RELN: variants seen among roughly 807,000 people sequenced by gnomAD.
RELN encodes reelin.
In RELN, 108 loss-of-function variants were observed where a neutral mutation model predicts 427.6. The ratio of observed to expected loss-of-function variants is 0.25; its 90% CI spans 0.22 to 0.30. The LOEUF is 0.30. Among genes scored for constraint, RELN ranks in the 10% least tolerant of loss-of-function variants. The pLI, the probability that RELN is intolerant of heterozygous loss-of-function variation, is 1.00. For missense variants in RELN, 3,715 were observed against 4,302.8 expected, an observed-to-expected ratio of 0.86 and a Z score of 3.82; for synonymous variants, 1,524 against 1,513.4, an observed-to-expected ratio of 1.01 and a Z score of -0.16.
chr7:103,858,001 G>A (rs573141535), intron 2 of RELN, among the ~76,000 whole-genome samples: 2 of 147,974 alleles, frequency 1.4e-5, no homozygotes, highest in African/African-American at 4.9e-5. Context: ...CCTCTTCAAT[G>A]GTTTCTTTTT....
At position 103,479,537 on chromosome 7, in the gene RELN, G is replaced by T. The variant is rs115026530; in HGVS notation, c.10281-1143C>A. ...ATCGTGAAATGCTTTTCATGTGCAGGTTTTATTGGAAAATATGAGAGTGGG... is the reference window on the plus strand; with the variant it reads ...ATCGTGAAATGCTTTTCATGTGCAGTTTTTATTGGAAAATATGAGAGTGGG... On this transcript the variant is annotated intron_variant, in intron 63 of 64. Coordinates refer to ENST00000428762, the MANE Select transcript of RELN (RefSeq NM_005045.4). 9.9e-3 allele frequency among the ~76,000 whole-genome samples: 1,507 copies of T among 152,194 alleles called. 29 individuals are homozygous for T. Among genetic ancestry groups the T allele is most frequent in the African/African-American group, 0.035 (1,435 of 41,520 alleles).
intron 50 of RELN, chr7:103,513,527 T>C (rs1474976167): frequency 6.6e-6 from 1 of 152,212 alleles, no homozygotes; most frequent in African/African-American, 2.4e-5. Flanking sequence ...TTCAATAACC[T>C]TCTTAAGAGA....
At chr7:103,926,627 GTTTTTTTTT>G (rs60259062) in intron 1 of RELN, among the ~76,000 whole-genome samples, 1,357 of 98,704 alleles carry the variant, frequency 0.014, 2 homozygotes, top group Non-Finnish European at 0.02. Flanking sequence ...AGTATCATAA[GTTTTTTTTT>G]TTTTTTTTTT....
intron 1 of RELN, among the ~76,000 whole-genome samples, chr7:103,979,126 A>G (rs1796939093): frequency 6.6e-6 from 1 of 152,216 alleles, no homozygotes; most frequent in Admixed American, 6.5e-5. Context: ...CCACCTTCAA[A>G]CCCTCTGAGA....
At chr7:103,654,257 A>G (rs1218704984) in intron 12 of RELN, 52 bp from the exon 13 acceptor site, 1 of 891,122 alleles carries the variant, frequency 1.1e-6, no homozygotes, top group East Asian at 2.4e-5. Context: ...ATCCATAAAC[A>G]TATCAAATAT....
intron 2 of RELN, among the ~76,000 whole-genome samples, chr7:103,858,876 C>G (rs2116485722): frequency 6.6e-6 from 1 of 152,142 alleles, no homozygotes; most frequent in Non-Finnish European, 1.5e-5. Context: ...AATGAATAGC[C>G]CTACAGGAAC....
intron 2 of RELN, among the ~76,000 whole-genome samples, chr7:103,838,587 G>T (rs1040105033): frequency 6.6e-6 from 1 of 152,168 alleles, no homozygotes; most frequent in South Asian, 2.1e-4. Flanking sequence ...CTCAGGAGCT[G>T]CCACTCCCCT....
At chr7:103,608,650 G>A (rs990228357) in intron 22 of RELN, among the ~76,000 whole-genome samples, 3 of 152,020 alleles carry the variant, frequency 2.0e-5, no homozygotes, top group Admixed American at 2.0e-4. Flanking sequence ...ACTACTACCT[G>A]CCAGGTACTC....
chr7:103,863,504 G>A (rs1458711987), intron 2 of RELN, among the ~76,000 whole-genome samples: 1 of 152,090 alleles, frequency 6.6e-6, no homozygotes, highest in African/African-American at 2.4e-5. Context: ...CCCTGCAATG[G>A]GAGTAGTTTT....
intron 3 of RELN, among the ~76,000 whole-genome samples, chr7:103,808,229 G>A (rs1792648055): frequency 6.6e-6 from 1 of 151,198 alleles, no homozygotes; most frequent in African/African-American, 2.4e-5. Flanking sequence ...CATGGACACA[G>A]GAAGGGGAAC....
chr7:103,805,829 T>C (rs1792584614), intron 3 of RELN, among the ~76,000 whole-genome samples: 1 of 152,148 alleles, frequency 6.6e-6, no homozygotes, highest in Non-Finnish European at 1.5e-5. Flanking sequence ...AGAAGAATGC[T>C]GAATAACAAG....
Position 103,528,403 on chromosome 7 carries a change from G to A in RELN, c.7350-4872C>T, listed in dbSNP as rs187861574. On this transcript the variant is annotated intron_variant, in intron 46 of 64. Coordinates refer to ENST00000428762, the MANE Select transcript of RELN (RefSeq NM_005045.4). ...CTGGGGTGAGGGGTGGGGAGTGACT[G>A]CTAATAAGTATAGGATTTCTTTTAG... Among the ~76,000 whole-genome samples, 231 of 152,092 alleles carry A rather than the reference G, an allele frequency of 1.5e-3. 1 individual carries two copies. The highest frequency in any genetic ancestry group is 3.4e-3 in the Middle Eastern group (1 of 294).
At chr7:103,540,483 T>C (rs1372170069) in intron 43 of RELN, 28 bp from the exon 44 acceptor site, 20 of 1,611,132 alleles carry the variant, frequency 1.2e-5, no homozygotes, top group Admixed American at 1.7e-5. Flanking sequence ...TACTGAAGAC[T>C]TTCACTTCCA....
intron 1 of RELN, among the ~76,000 whole-genome samples, chr7:103,962,948 C>A (rs1478535872): frequency 6.6e-6 from 1 of 151,946 alleles, no homozygotes; most frequent in Admixed American, 6.6e-5. Flanking sequence ...GGACATGGTA[C>A]CCTAAGCCAG....
At chr7:103,876,236 G>T (rs771778090) in intron 2 of RELN, among the ~76,000 whole-genome samples, 2 of 152,134 alleles carry the variant, frequency 1.3e-5, no homozygotes, top group African/African-American at 2.4e-5. Context: ...ACGTTAGAAT[G>T]TATCTTTTTT....
Position 103,953,990 on chromosome 7 carries a change from C to T in RELN, c.226+35141G>A, listed in dbSNP as rs1339359469. Among the ~76,000 whole-genome samples, 2 of 152,038 alleles carry T rather than the reference C, an allele frequency of 1.3e-5. No homozygotes were observed. The highest frequency in any genetic ancestry group is 4.8e-5 in the African/African-American group (2 of 41,382). On this transcript the variant is annotated intron_variant, in intron 1 of 64. Transcript: ENST00000428762. The surrounding 1 kb of genome is among the most constrained non-coding windows in gnomAD (Gnocchi z 4.3). ...ACAGGCGGGGCATAGTGGCTCACGC[C>T]TGTAATCCTAACACTTTGGGAGGCA...
intron 2 of RELN, among the ~76,000 whole-genome samples, chr7:103,861,781 AGTG>A (rs1392837394): frequency 1.3e-5 from 2 of 152,182 alleles, no homozygotes; most frequent in African/African-American, 2.4e-5. Context: ...TAAGTTATGA[AGTG>A]GGGAGTAGAA....
At chr7:103,529,659 C>T (rs1410627027) in intron 46 of RELN, among the ~76,000 whole-genome samples, 1 of 152,042 alleles carries the variant, frequency 6.6e-6, no homozygotes, top group Non-Finnish European at 1.5e-5. Flanking sequence ...TCCTGACATT[C>T]CTGCCTTCCT....
chr7:103,551,031 G>A, intron 41 of RELN, 36 bp downstream of exon 41: 1 of 1,546,024 alleles, frequency 6.5e-7, no homozygotes, highest in Non-Finnish European at 8.9e-7. Flanking sequence ...ACTGTCAAAG[G>A]AGAAACAAAT....
Sources: gnomAD v4.1 joint callset for allele counts (sites outside exome capture counted in the v4.1 genomes callset) on GRCh38, gnomAD v4.1.1 for gene constraint, Gnocchi (gnomAD v3.1) non-coding constraint, MANE v1.5 for transcripts, NCBI Gene and HGNC (gene_info 2026-07-23, HGNC 2026-07-21) for gene names.